CSMD1: variants seen among roughly 807,000 people sequenced by gnomAD.
The protein encoded by CSMD1 is CUB and sushi domain-containing protein 1.
Under a neutral mutation model 417.5 loss-of-function variants are expected in CSMD1, and 213 were observed. That is an observed-to-expected ratio of 0.51 (90% CI 0.46 to 0.57). The LOEUF (loss-of-function observed/expected upper bound fraction) is 0.57. Ranked by LOEUF, CSMD1 falls within the 20% of genes least tolerant of loss-of-function variation. The pLI is 0.00. For synonymous variants in CSMD1, 2,862 were observed against 1,736.8 expected (o/e 1.65, Z -16.11); for missense variants, 6,923 against 4,529.7 (o/e 1.53, Z -15.17).
chr8:3,135,749 G>C (rs1173776398), intron 41 of CSMD1, among the ~76,000 whole-genome samples: 1 of 152,116 alleles, frequency 6.6e-6, no homozygotes, highest in African/African-American at 2.4e-5. Flanking sequence ...CTAACACATA[G>C]TCTCTGTCCA....
rs370242535 is a variant in CSMD1, at chr8:4,730,917, G to C, written c.86-93359C>G. ...GTGACTAAACCGTGCTTTGTTTCCA[G>C]TCATTCCTGAGGCAACCAGGGCCAG... On this transcript the variant is annotated intron_variant, in intron 1 of 69. Transcript: ENST00000635120. Among the ~76,000 whole-genome samples, 1,152 of 152,068 alleles carry C rather than the reference G, an allele frequency of 7.6e-3. 13 individuals carry two copies. The highest frequency in any genetic ancestry group is 0.034 in the Middle Eastern group (10 of 294).
chr8:4,850,680 G>GTC (rs148422787), intron 1 of CSMD1, among the ~76,000 whole-genome samples: 39 of 150,216 alleles, frequency 2.6e-4, no homozygotes, highest in South Asian at 1.3e-3. Context: ...CCTTAGCTTT[G>GTC]TCTCTCTCTC....
intron 10 of CSMD1, among the ~76,000 whole-genome samples, chr8:3,512,091 G>C (rs1045429380): frequency 5.3e-5 from 8 of 152,050 alleles, no homozygotes; most frequent in Non-Finnish European, 7.4e-5. Context: ...TCTGTGATTT[G>C]ACCTCCTCAT....
At chr8:4,331,608 T>C (rs1477529679) in intron 3 of CSMD1, among the ~76,000 whole-genome samples, 2 of 152,188 alleles carry the variant, frequency 1.3e-5, no homozygotes, top group African/African-American at 4.8e-5. Context: ...TAGTGGCAAC[T>C]GTGGCTTTCT....
chr8:3,395,969 G>A (rs193241049), intron 17 of CSMD1, among the ~76,000 whole-genome samples: 1 of 152,146 alleles, frequency 6.6e-6, no homozygotes, highest in African/African-American at 2.4e-5. Flanking sequence ...ATTTTACTTT[G>A]TCATACGCGA....
chr8:3,744,216 C>G (rs933795828), intron 6 of CSMD1, among the ~76,000 whole-genome samples: 21 of 152,134 alleles, frequency 1.4e-4, no homozygotes, highest in Non-Finnish European at 2.9e-5. Context: ...ATGACGTGTT[C>G]AAGCCGCAGC....
chr8:4,161,795 A>T (rs778857288), intron 3 of CSMD1, among the ~76,000 whole-genome samples: 29 of 152,296 alleles, frequency 1.9e-4, no homozygotes, highest in Middle Eastern at 6.8e-3. Context: ...AAAAGAAACA[A>T]AATTTGTTCA....
At chr8:4,706,203 A>T (rs527313798) in intron 1 of CSMD1, among the ~76,000 whole-genome samples, 1 of 151,768 alleles carries the variant, frequency 6.6e-6, no homozygotes, top group East Asian at 1.9e-4. Flanking sequence ...TTTCCAAAAT[A>T]TTTCTAATAT....
intron 37 of CSMD1, among the ~76,000 whole-genome samples, chr8:3,180,323 A>C (rs1161150271): frequency 6.6e-6 from 1 of 152,206 alleles, no homozygotes; most frequent in African/African-American, 2.4e-5. Flanking sequence ...CCTCCAATTA[A>C]AATGAATAAC....
intron 6 of CSMD1, among the ~76,000 whole-genome samples, chr8:3,728,865 C>G (rs1802648706): frequency 6.6e-6 from 1 of 152,158 alleles, no homozygotes; most frequent in Non-Finnish European, 1.5e-5. Flanking sequence ...GATTCATGGA[C>G]TAAGGCAGGG....
At chr8:4,298,148 G>A (rs991395328) in intron 3 of CSMD1, among the ~76,000 whole-genome samples, 7 of 152,268 alleles carry the variant, frequency 4.6e-5, no homozygotes, top group African/African-American at 1.4e-4. Context: ...AAATGGTATA[G>A]AAGAAAAGTT....
chr8:3,328,267 C>T (rs1247605798), intron 23 of CSMD1, among the ~76,000 whole-genome samples: 1 of 152,210 alleles, frequency 6.6e-6, no homozygotes, highest in African/African-American at 2.4e-5. Context: ...ATAGGTTCTG[C>T]TTCATAAATG....
intron 3 of CSMD1, among the ~76,000 whole-genome samples, chr8:4,364,220 G>C (rs1290316648): frequency 6.6e-6 from 1 of 152,102 alleles, no homozygotes; most frequent in Non-Finnish European, 1.5e-5. Flanking sequence ...GTAAAAATAA[G>C]TAGTTAATTA....
intron 3 of CSMD1, among the ~76,000 whole-genome samples, chr8:4,401,474 G>A (rs1431086547): frequency 6.6e-6 from 1 of 152,082 alleles, no homozygotes; most frequent in African/African-American, 2.4e-5. Context: ...AGTGGCCCAA[G>A]CAGCACCATC....
At chr8:3,514,450 C>G (rs28369484) in intron 10 of CSMD1, among the ~76,000 whole-genome samples, 5 of 152,120 alleles carry the variant, frequency 3.3e-5, no homozygotes, top group Non-Finnish European at 7.4e-5. Flanking sequence ...CATCTGCTCA[C>G]GGGTCATCCC....
At chr8:4,950,712 T>A (rs1194998416) in intron 1 of CSMD1, among the ~76,000 whole-genome samples, 1 of 151,768 alleles carries the variant, frequency 6.6e-6, no homozygotes, top group Non-Finnish European at 1.5e-5. Flanking sequence ...ATAAAAAGAG[T>A]TGGTCATTGA....
At chr8:3,467,530 A>T (rs1816852314) in intron 12 of CSMD1, among the ~76,000 whole-genome samples, 2 of 152,228 alleles carry the variant, frequency 1.3e-5, no homozygotes, top group Non-Finnish European at 2.9e-5. Flanking sequence ...AAAGGGATGT[A>T]AATATACATT....
intron 2 of CSMD1, among the ~76,000 whole-genome samples, chr8:4,438,494 C>T (rs765625701): frequency 6.6e-6 from 1 of 152,220 alleles, no homozygotes; most frequent in African/African-American, 2.4e-5. Context: ...TCCACAGCAC[C>T]TGGCTGTAGG....
rs904487860 is a variant in CSMD1 at position 4,405,966 on chromosome 8, G to T, written c.415+13987C>A. Among the ~76,000 whole-genome samples, 8 of 152,092 alleles carry T rather than the reference G, an allele frequency of 5.3e-5. No individual in the cohort carries two copies. In the East Asian group the frequency reaches 1.2e-3, roughly 22 times the overall value. ...CTGAGTAATGCCTTCTGTTCTGCTC[G>T]CCTGTCCTGTAACAGACATGGCTGT... On this transcript the variant is annotated intron_variant, in intron 3 of 69. Coordinates refer to ENST00000635120, the MANE Select transcript of CSMD1 (RefSeq NM_033225.6).
Sources: gnomAD v4.1 joint callset for allele counts (sites outside exome capture counted in the v4.1 genomes callset) on GRCh38, gnomAD v4.1.1 for gene constraint, MANE v1.5 for transcripts, NCBI Gene and HGNC (gene_info 2026-07-23, HGNC 2026-07-21) for gene names.